The following PRKD3 variants were observed in gnomAD, a reference collection of about 807,000 sequenced individuals.
The protein encoded by PRKD3 is protein kinase D3.
A neutral mutation model predicts 99.2 loss-of-function variants in PRKD3; 47 were observed. The ratio of observed to expected loss-of-function variants is 0.47; its 90% CI spans 0.38 to 0.60. The LOEUF is 0.60. Ranked by LOEUF, PRKD3 falls within the 20% of genes least tolerant of loss-of-function variation. The pLI, the probability that PRKD3 is intolerant of heterozygous loss-of-function variation, is 0.00. For missense variants in PRKD3, 1,019 were observed against 1,088.4 expected, an observed-to-expected ratio of 0.94 and a Z score of 0.90; for synonymous variants, 392 against 355.4, an observed-to-expected ratio of 1.10 and a Z score of -1.16.
intron 2 of PRKD3, among the ~76,000 whole-genome samples, chr2:37,299,477 T>G (rs1169525300): frequency 6.7e-6 from 1 of 149,698 alleles, no homozygotes; most frequent in East Asian, 2.0e-4. Context: ...GAGACTAGCC[T>G]GGTCAACATG....
Position 37,276,013 on chromosome 2 carries a change from T to C in PRKD3, c.1297-169A>G, listed in dbSNP as rs529423650. Among the ~76,000 whole-genome samples, 8 of 152,272 alleles carry C rather than the reference T, an allele frequency of 5.3e-5. No individual in the cohort carries two copies. In the South Asian group the frequency reaches 1.7e-3, roughly 32 times the overall value. On this transcript the variant is annotated intron_variant, in intron 9 of 18. Coordinates refer to ENST00000234179, the MANE Select transcript of PRKD3 (RefSeq NM_005813.6). ...TAAAAAGGATGTATGGTGAAAAGTA[T>C]CACTTCCACCATCACTCATCCCCAC...
chr2:37,272,315 T>C lies in PRKD3; in HGVS notation c.1704+65A>G, dbSNP rs1669319382. On this transcript the variant is annotated intron_variant, in intron 12 of 18. Coordinates refer to ENST00000234179, the MANE Select transcript of PRKD3 (RefSeq NM_005813.6). The stretch of plus-strand genomic sequence containing the variant: ...GATGAACCAATTTCTCTAATAAAGA[T>C]TTTCACCTTTTATTTTCCTTATTTT... The C allele has an allele frequency of 5.7e-6, 9 of 1,575,254 alleles. No homozygotes were observed. In the South Asian group the frequency reaches 9.5e-5, roughly 17 times the overall value.
chr2:37,276,712 T>C (rs1301005930), intron 9 of PRKD3, among the ~76,000 whole-genome samples: 1 of 151,674 alleles, frequency 6.6e-6, no homozygotes, highest in Non-Finnish European at 1.5e-5. Flanking sequence ...GTTTCTTCTG[T>C]TTAATTTCTT....
chr2:37,285,534 A>G (rs1476901201), intron 6 of PRKD3, among the ~76,000 whole-genome samples: 1 of 152,202 alleles, frequency 6.6e-6, no homozygotes, highest in Non-Finnish European at 1.5e-5. Context: ...TAAAAACAAA[A>G]AAAACCCAAA....
chr2:37,285,195 G>A (rs1477358692), intron 6 of PRKD3, among the ~76,000 whole-genome samples: 1 of 152,128 alleles, frequency 6.6e-6, no homozygotes, highest in Admixed American at 6.5e-5. Flanking sequence ...AATAATCTAA[G>A]ACATTTACAT....
At chr2:37,261,938 C>G (rs1172264182) in intron 14 of PRKD3, among the ~76,000 whole-genome samples, 2 of 151,968 alleles carry the variant, frequency 1.3e-5, no homozygotes, top group African/African-American at 2.4e-5. Context: ...TCATAAATTA[C>G]ATAAGATATT....
intron 8 of PRKD3, 21 bp downstream of exon 8, chr2:37,279,725 T>G (rs1431623435): frequency 1.3e-6 from 2 of 1,562,872 alleles, no homozygotes; most frequent in Admixed American, 3.7e-5. Flanking sequence ...GGAAGTAGCT[T>G]GTAATATGTA....
chr2:37,289,986 C>A (rs1012493175), intron 4 of PRKD3, among the ~76,000 whole-genome samples: 7 of 152,272 alleles, frequency 4.6e-5, no homozygotes, highest in African/African-American at 1.7e-4. Context: ...TTTATTGGAA[C>A]ACAACCATAT....
At chr2:37,253,459 T>C (rs1667678202) in intron 18 of PRKD3, 109 bp from the exon 19 acceptor site, 6 of 859,646 alleles carry the variant, frequency 7.0e-6, no homozygotes, top group Non-Finnish European at 1.0e-5. Context: ...AGTCAAATAA[T>C]TGACAGGCGC....
intron 3 of PRKD3, 88 bp from the exon 4 acceptor site, chr2:37,291,087 C>G: frequency 8.2e-7 from 1 of 1,223,140 alleles, no homozygotes. Context: ...TGTCAAAGTA[C>G]ACAGAATCAT....
chr2:37,264,170 T>G (rs748094413), intron 14 of PRKD3, among the ~76,000 whole-genome samples: 1 of 150,688 alleles, frequency 6.6e-6, no homozygotes, highest in African/African-American at 2.5e-5. Context: ...ACAGTTTATG[T>G]AGGCATGGCT....
At chr2:37,301,710 A>G (rs1670939482) in intron 2 of PRKD3, among the ~76,000 whole-genome samples, 1 of 152,224 alleles carries the variant, frequency 6.6e-6, no homozygotes, top group Admixed American at 6.5e-5. Flanking sequence ...CTTGCCCAGT[A>G]AAATGGTGTA....
chr2:37,281,977 A>G (rs946090789), intron 7 of PRKD3, among the ~76,000 whole-genome samples: 7 of 152,232 alleles, frequency 4.6e-5, no homozygotes, highest in Non-Finnish European at 8.8e-5. Context: ...CGATTATTTG[A>G]CAGAGAAAGG....
intron 2 of PRKD3, among the ~76,000 whole-genome samples, chr2:37,300,176 A>T (rs1435839079): frequency 1.3e-5 from 2 of 152,234 alleles, no homozygotes; most frequent in African/African-American, 4.8e-5. Flanking sequence ...ACATGGTGGA[A>T]TATTATTCAG....
intron 16 of PRKD3, among the ~76,000 whole-genome samples, chr2:37,257,746 T>C (rs1239192688): frequency 6.6e-6 from 1 of 151,730 alleles, no homozygotes; most frequent in African/African-American, 2.4e-5. Flanking sequence ...GAATCTCTTT[T>C]CCTAAGGATG....
intron 13 of PRKD3, 45 bp from the exon 14 acceptor site, chr2:37,267,581 C>G: frequency 7.3e-7 from 1 of 1,365,346 alleles, no homozygotes; most frequent in African/African-American, 1.4e-5. Flanking sequence ...AAACTGACAG[C>G]TTTATTAGGG....
At chr2:37,296,002 G>C (rs960850165) in intron 2 of PRKD3, among the ~76,000 whole-genome samples, 4 of 152,068 alleles carry the variant, frequency 2.6e-5, no homozygotes, top group African/African-American at 9.7e-5. Flanking sequence ...ACTACAGCAA[G>C]TAAATGGAAA....
chr2:37,269,714 ATTAT>A (rs1427916623), intron 12 of PRKD3, 27 bp from the exon 13 acceptor site: 1 of 1,501,212 alleles, frequency 6.7e-7, no homozygotes, highest in Admixed American at 1.8e-5. Flanking sequence ...AGGAGTTAGT[ATTAT>A]TTATTTCTAT....
chr2:37,296,823 C>T (rs1670695735), intron 2 of PRKD3, among the ~76,000 whole-genome samples: 1 of 149,812 alleles, frequency 6.7e-6, no homozygotes, highest in Admixed American at 6.7e-5. Flanking sequence ...CGGCGTGAAC[C>T]CGGGAGGCGG....
Sources: gnomAD v4.1 joint callset for allele counts (sites outside exome capture counted in the v4.1 genomes callset) on GRCh38, gnomAD v4.1.1 for gene constraint, MANE v1.5 for transcripts, NCBI Gene and HGNC (gene_info 2026-07-23, HGNC 2026-07-21) for gene names.